ST3GAL3: variants seen among roughly 807,000 people sequenced by gnomAD.
ST3GAL3 encodes CMP-N-acetylneuraminate-beta-1,4-galactoside alpha-2,3-sialyltransferase.
ST3GAL3 carries 21 observed loss-of-function variants against 50.1 expected under a neutral mutation model. That is an observed-to-expected ratio of 0.42 (90% CI 0.30 to 0.60). The LOEUF is 0.60. ST3GAL3 is among the 20% of genes least tolerant of loss of function. ST3GAL3 has a pLI of 0.19. For synonymous variants in ST3GAL3, 183 were observed against 190.0 expected, an observed-to-expected ratio of 0.96 and a Z score of 0.30; for missense variants, 353 against 489.4, an observed-to-expected ratio of 0.72 and a Z score of 2.63.
At chr1:43,898,162 G>A in intron 6 of ST3GAL3, 73 bp from the exon 7 acceptor site, 1 of 1,530,558 alleles carries the variant, frequency 6.5e-7, no homozygotes, top group Non-Finnish European at 9.0e-7. Flanking sequence ...GTGTCTTCCA[G>A]TAGGATTATC....
At chr1:43,742,928 T>C (rs1267353684) in intron 2 of ST3GAL3, among the ~76,000 whole-genome samples, 1 of 151,966 alleles carries the variant, frequency 6.6e-6, no homozygotes, top group East Asian at 1.9e-4. Flanking sequence ...TGAAACCCTG[T>C]CTCTACTAAA....
chr1:43,868,213 C>T (rs2071800268), intron 5 of ST3GAL3, among the ~76,000 whole-genome samples: 1 of 152,154 alleles, frequency 6.6e-6, no homozygotes, highest in Non-Finnish European at 1.5e-5. Context: ...CTGGCATGCT[C>T]CCACAGTTTA....
intron 5 of ST3GAL3, chr1:43,851,149 C>G: frequency 1.5e-6 from 2 of 1,302,460 alleles, no homozygotes; most frequent in South Asian, 2.4e-5. Flanking sequence ...CTGCACTGAT[C>G]AGCTTCGGGT....
chr1:43,754,534 A>G (rs1323376744), intron 2 of ST3GAL3, among the ~76,000 whole-genome samples: 1 of 152,196 alleles, frequency 6.6e-6, no homozygotes, highest in African/African-American at 2.4e-5. Flanking sequence ...ATGGCACCAC[A>G]AGTCGAAGGA....
chr1:43,728,939 G>A (rs1019331581), intron 1 of ST3GAL3, among the ~76,000 whole-genome samples: 2 of 152,024 alleles, frequency 1.3e-5, no homozygotes, highest in African/African-American at 4.8e-5. Context: ...GCCCAGGCTG[G>A]AGTGCAGTTG....
At chr1:43,736,530 T>G in intron 2 of ST3GAL3, 150 bp downstream of exon 2, 1 of 1,362,256 alleles carries the variant, frequency 7.3e-7, no homozygotes, top group Non-Finnish European at 1.0e-6. Flanking sequence ...TTGCCTGCCA[T>G]TTTAGCTGGT....
intron 5 of ST3GAL3, among the ~76,000 whole-genome samples, chr1:43,853,753 G>T (rs2067806176): frequency 6.6e-6 from 1 of 152,228 alleles, no homozygotes; most frequent in Non-Finnish European, 1.5e-5. Context: ...TTCACATACT[G>T]CTAAGGAATC....
chr1:43,821,809 G>A (rs1282730059), intron 4 of ST3GAL3, among the ~76,000 whole-genome samples: 1 of 152,128 alleles, frequency 6.6e-6, no homozygotes, highest in Non-Finnish European at 1.5e-5. Flanking sequence ...AAAGTTGAGG[G>A]CCTCGAAAAG....
chr1:43,853,650 G>A (rs549747141), intron 5 of ST3GAL3, among the ~76,000 whole-genome samples: 4 of 152,290 alleles, frequency 2.6e-5, no homozygotes, highest in Admixed American at 2.0e-4. Flanking sequence ...CTCTTACCCA[G>A]CTCTACAGAG....
chr1:43,831,658 C>T (rs954734223), intron 4 of ST3GAL3: 3 of 152,222 alleles, frequency 2.0e-5, no homozygotes, highest in African/African-American at 7.2e-5. Context: ...TCTCCAGTAC[C>T]ATTCAGCTCA....
chr1:43,915,464 A>G (rs1456501771), intron 9 of ST3GAL3, among the ~76,000 whole-genome samples: 1 of 152,250 alleles, frequency 6.6e-6, no homozygotes, highest in East Asian at 1.9e-4. Flanking sequence ...CAGGATCTGC[A>G]CATGGTGAGT....
chr1:43,736,126 T>G (rs1678305134), intron 1 of ST3GAL3, 107 bp from the exon 2 acceptor site: 1 of 1,103,386 alleles, frequency 9.1e-7, no homozygotes, highest in Non-Finnish European at 1.4e-6. Context: ...AAGTGATAAC[T>G]CTAAGTTATT....
intron 2 of ST3GAL3, among the ~76,000 whole-genome samples, chr1:43,762,663 A>G (rs1194096041): frequency 6.6e-6 from 1 of 152,202 alleles, no homozygotes; most frequent in Non-Finnish European, 1.5e-5. Flanking sequence ...CTCCATAGTT[A>G]TACATACATA....
intron 9 of ST3GAL3, chr1:43,919,413 G>A (rs1195598669): frequency 1.3e-5 from 2 of 152,288 alleles, no homozygotes; most frequent in Admixed American, 1.3e-4. Flanking sequence ...ATAACAGTTC[G>A]GTTGGAGCCC....
At chr1:43,885,433 C>CGCGT (rs1553429774) in intron 5 of ST3GAL3, among the ~76,000 whole-genome samples, 1 of 152,012 alleles carries the variant, frequency 6.6e-6, no homozygotes, top group African/African-American at 2.4e-5. Context: ...GAGGCTGCCT[C>CGCGT]GCGTGCCGGG....
chr1:43,838,395 A>G (rs2064796938), intron 5 of ST3GAL3, 84 bp downstream of exon 5: 1 of 1,225,472 alleles, frequency 8.2e-7, no homozygotes, highest in Admixed American at 1.7e-5. Context: ...ACAGCCAGTC[A>G]TGTTCTCCTA....
At chr1:43,799,152 A>G (rs566110556) in intron 3 of ST3GAL3, among the ~76,000 whole-genome samples, 33 of 152,356 alleles carry the variant, frequency 2.2e-4, no homozygotes, top group South Asian at 4.1e-4. Context: ...TTCTGGGAAA[A>G]TAGTCACCAA....
intron 9 of ST3GAL3, among the ~76,000 whole-genome samples, chr1:43,905,585 CTTCTCT>C (rs2079283390): frequency 2.4e-5 from 1 of 41,778 alleles, no homozygotes; most frequent in Non-Finnish European, 5.6e-5. Flanking sequence ...CCTCCTCCTG[CTTCTCT>C]TCCCGCCACT....
At chr1:43,871,693 G>A (rs1183873080) in intron 5 of ST3GAL3, among the ~76,000 whole-genome samples, 1 of 96,674 alleles carries the variant, frequency 1.0e-5, no homozygotes, top group Non-Finnish European at 2.1e-5. Flanking sequence ...GAGAGGATGG[G>A]GTGTGAGGGA....
Sources: gnomAD v4.1 joint callset for allele counts (sites outside exome capture counted in the v4.1 genomes callset) on GRCh38, gnomAD v4.1.1 for gene constraint, MANE v1.5 for transcripts, NCBI Gene and HGNC (gene_info 2026-07-23, HGNC 2026-07-21) for gene names.